CDH13: variants seen among roughly 807,000 people sequenced by gnomAD.
CDH13 encodes cadherin 13.
Under a neutral mutation model 63.8 loss-of-function variants are expected in CDH13, and 24 were observed. That is an observed-to-expected ratio of 0.38 (90% confidence interval 0.27 to 0.53). CDH13 has a LOEUF of 0.53. Ranked by LOEUF, CDH13 falls within the 20% of genes least tolerant of loss-of-function variation. The pLI is 0.85. For missense variants in CDH13, 1,049 were observed against 903.1 expected, an observed-to-expected ratio of 1.16 and a Z score of -2.07; for synonymous variants, 503 against 355.3, an observed-to-expected ratio of 1.42 and a Z score of -4.67.
chr16:83,376,554 T>C (rs533364786), intron 6 of CDH13, among the ~76,000 whole-genome samples: 1 of 152,036 alleles, frequency 6.6e-6, no homozygotes, highest in Non-Finnish European at 1.5e-5. Context: ...TAGAAAAAAA[T>C]TATTCTGGCT....
intron 1 of CDH13, among the ~76,000 whole-genome samples, chr16:82,720,732 A>G (rs558785355): frequency 1.3e-5 from 2 of 151,924 alleles, no homozygotes; most frequent in African/African-American, 2.4e-5. Context: ...AAACAGCATT[A>G]TATGATGTCT....
chr16:83,512,165 C>CA (rs924119720), intron 7 of CDH13, among the ~76,000 whole-genome samples: 4 of 149,056 alleles, frequency 2.7e-5, no homozygotes, highest in African/African-American at 7.4e-5. Context: ...CCTAAAAATA[C>CA]AAAAAATTAG....
intron 11 of CDH13, among the ~76,000 whole-genome samples, chr16:83,779,140 C>G (rs1433599459): frequency 4.6e-5 from 7 of 152,090 alleles, no homozygotes; most frequent in South Asian, 4.1e-4. Flanking sequence ...GATGCGGTGG[C>G]TCATGCCTGT....
At chr16:83,278,724 G>A (rs1433973663) in intron 5 of CDH13, among the ~76,000 whole-genome samples, 1 of 152,224 alleles carries the variant, frequency 6.6e-6, no homozygotes, top group Non-Finnish European at 1.5e-5. Context: ...AAGGATACAA[G>A]TGTGGCCAAA....
chr16:83,192,232 C>T (rs969645555), intron 4 of CDH13, among the ~76,000 whole-genome samples: 4 of 152,208 alleles, frequency 2.6e-5, no homozygotes, highest in Admixed American at 6.5e-5. Flanking sequence ...TAATGGTGGC[C>T]GCTTCTGTAA....
intron 13 of CDH13, 110 bp from the exon 14 acceptor site, chr16:83,794,913 G>T: frequency 1.0e-6 from 1 of 997,958 alleles, no homozygotes; most frequent in South Asian, 1.4e-5. Context: ...GTCGTGTGAT[G>T]TTTAAAATGT....
chr16:83,766,197 T>C (rs1202987210), intron 11 of CDH13, among the ~76,000 whole-genome samples: 3 of 152,108 alleles, frequency 2.0e-5, no homozygotes. Flanking sequence ...CACACACTGT[T>C]TTCTCCCCAA....
intron 6 of CDH13, among the ~76,000 whole-genome samples, chr16:83,385,257 C>T (rs1383498048): frequency 1.3e-5 from 2 of 152,176 alleles, no homozygotes; most frequent in African/African-American, 4.8e-5. Context: ...TTTTGTAAGG[C>T]AAGTAAGATC....
At chr16:83,582,292 T>C (rs1052939813) in intron 7 of CDH13, among the ~76,000 whole-genome samples, 2 of 152,134 alleles carry the variant, frequency 1.3e-5, no homozygotes, top group Non-Finnish European at 2.9e-5. Flanking sequence ...CTTTTTTTTT[T>C]CCATCAGGCC....
intron 11 of CDH13, among the ~76,000 whole-genome samples, chr16:83,766,537 A>T (rs1056952607): frequency 6.6e-6 from 1 of 152,222 alleles, no homozygotes; most frequent in African/African-American, 2.4e-5. Flanking sequence ...TTTCCAAATA[A>T]AACCACTTGT....
intron 1 of CDH13, among the ~76,000 whole-genome samples, chr16:82,800,164 A>G (rs1228821895): frequency 2.0e-5 from 3 of 152,118 alleles, no homozygotes; most frequent in Non-Finnish European, 4.4e-5. Flanking sequence ...CTTTTCCTTT[A>G]TGTGTTTACT....
intron 3 of CDH13, among the ~76,000 whole-genome samples, chr16:83,032,761 T>G (rs916284166): frequency 6.6e-6 from 1 of 152,302 alleles, no homozygotes; most frequent in South Asian, 2.1e-4. Context: ...GTCACATTTC[T>G]TTTCCTGAAG....
chr16:83,420,367 A>G (rs1250763742), intron 6 of CDH13, among the ~76,000 whole-genome samples: 2 of 152,190 alleles, frequency 1.3e-5, no homozygotes, highest in African/African-American at 4.8e-5. Context: ...CAGCGTTCAG[A>G]CACAGAGATT....
intron 1 of CDH13, among the ~76,000 whole-genome samples, chr16:82,627,695 G>A (rs1283942206): frequency 1.3e-5 from 2 of 152,118 alleles, no homozygotes; most frequent in Non-Finnish European, 2.9e-5. Flanking sequence ...CGGGGCAGCA[G>A]AGAGCCTCAG....
intron 10 of CDH13, among the ~76,000 whole-genome samples, chr16:83,702,489 T>C (rs141515879): frequency 7.3e-4 from 111 of 152,222 alleles, no homozygotes; most frequent in African/African-American, 2.5e-3. Context: ...AGGAGGGTCT[T>C]GCAGGGGGTT....
intron 8 of CDH13, among the ~76,000 whole-genome samples, chr16:83,669,205 A>G (rs1598442630): frequency 6.6e-6 from 1 of 152,090 alleles, no homozygotes; most frequent in African/African-American, 2.4e-5. Context: ...ATGCGCTCCA[A>G]CCTGGCTAGA....
chr16:82,984,445 A>C (rs921126241), intron 2 of CDH13, among the ~76,000 whole-genome samples: 19 of 152,332 alleles, frequency 1.2e-4, no homozygotes, highest in Non-Finnish European at 1.9e-4. Flanking sequence ...ATCTTGAATA[A>C]GATATTCAAC....
At chr16:82,807,386 G>A (rs1322129789) in intron 1 of CDH13, among the ~76,000 whole-genome samples, 5 of 152,086 alleles carry the variant, frequency 3.3e-5, no homozygotes, top group Admixed American at 2.6e-4. Flanking sequence ...TGGCAGTTTG[G>A]GCGGCCTAAT....
intron 1 of CDH13, among the ~76,000 whole-genome samples, chr16:82,675,509 A>G (rs1015376092): frequency 6.6e-6 from 1 of 152,228 alleles, no homozygotes; most frequent in African/African-American, 2.4e-5. Flanking sequence ...GTAGGAAAAG[A>G]ATTTGACTCC....
Sources: gnomAD v4.1 joint callset for allele counts (sites outside exome capture counted in the v4.1 genomes callset) on GRCh38, gnomAD v4.1.1 for gene constraint, MANE v1.5 for transcripts, NCBI Gene and HGNC (gene_info 2026-07-23, HGNC 2026-07-21) for gene names.